MSRA: variants seen among roughly 807,000 people sequenced by gnomAD.
MSRA encodes mitochondrial peptide methionine sulfoxide reductase.
A neutral mutation model predicts 31.3 loss-of-function variants in MSRA; 54 were observed. The observed-to-expected ratio is 1.73, with a 90% confidence interval of 1.39 to 2.17. The LOEUF (loss-of-function observed/expected upper bound fraction) is 2.17. Among genes scored for constraint, MSRA ranks in the 30% most tolerant of loss-of-function variants. The pLI is 0.00. For missense variants in MSRA, 507 were observed against 300.9 expected, an observed-to-expected ratio of 1.69 and a Z score of -5.07; for synonymous variants, 169 against 116.5, an observed-to-expected ratio of 1.45 and a Z score of -2.90.
At chr8:10,412,953 G>A (rs551974922) in intron 5 of MSRA, among the ~76,000 whole-genome samples, 39 of 152,326 alleles carry the variant, frequency 2.6e-4, no homozygotes, top group African/African-American at 8.4e-4. Flanking sequence ...TCCACCTACT[G>A]TGAGCCAGCA....
intron 1 of MSRA, among the ~76,000 whole-genome samples, chr8:10,198,330 T>C (rs973849004): frequency 6.6e-6 from 1 of 152,078 alleles, no homozygotes; most frequent in Admixed American, 6.6e-5. Context: ...TTTTTTGTTG[T>C]TCTTACTTTT....
At chr8:10,106,281 C>A (rs1799875876) in intron 1 of MSRA, among the ~76,000 whole-genome samples, 1 of 152,156 alleles carries the variant, frequency 6.6e-6, no homozygotes, top group African/African-American at 2.4e-5. Flanking sequence ...TACTCGTTTG[C>A]CATTTACTGC....
rs113622360 is a variant in MSRA, at chr8:10,257,187, G to C, written c.331+11964G>C. ...ATCAGGGGTGGCCAGGAATGGGCAC[G>C]TACAGACAGAAGCATTCAAGTGACT... is the stretch of plus-strand genomic sequence containing the variant. On this transcript the variant is annotated intron_variant, in intron 3 of 5. Coordinates refer to ENST00000317173, the MANE Select transcript of MSRA (RefSeq NM_012331.5). Among the ~76,000 whole-genome samples, 1,222 of 152,148 alleles carry C rather than the reference G, an allele frequency of 8.0e-3. 10 individuals carry two copies. The highest frequency in any genetic ancestry group is 0.043 in the South Asian group (208 of 4,812).
At chr8:10,175,692 T>C (rs1805988177) in intron 1 of MSRA, among the ~76,000 whole-genome samples, 1 of 152,240 alleles carries the variant, frequency 6.6e-6, no homozygotes, top group African/African-American at 2.4e-5. Context: ...TTTAAGCTTT[T>C]CACTTTGAAG....
At position 10,202,399 on chromosome 8, in the gene MSRA, A is replaced by G. The variant is rs187824796; in HGVS notation, c.143-5434A>G. ...CCCTTATTCTTTTATCCCTAGAGCA[A>G]TATATAGTGTGGGGGATTTTCAGAG... On this transcript the variant is annotated intron_variant, in intron 1 of 5. Coordinates refer to ENST00000317173, the MANE Select transcript of MSRA (RefSeq NM_012331.5). 2.6e-3 allele frequency among the ~76,000 whole-genome samples: 400 copies of G among 152,328 alleles called. 1 individual carries two copies. The highest frequency in any genetic ancestry group is 9.1e-3 in the African/African-American group (378 of 41,572).
intron 2 of MSRA, among the ~76,000 whole-genome samples, chr8:10,208,160 C>G (rs1377429624): frequency 6.6e-6 from 1 of 151,916 alleles, no homozygotes; most frequent in Non-Finnish European, 1.5e-5. Flanking sequence ...TATGTCCACA[C>G]TGTGAATTAA....
intron 3 of MSRA, among the ~76,000 whole-genome samples, chr8:10,272,210 A>G (rs1427644452): frequency 2.0e-5 from 3 of 152,216 alleles, no homozygotes; most frequent in Non-Finnish European, 4.4e-5. Flanking sequence ...CAGAAGCAAT[A>G]GGATGATCTA....
intron 3 of MSRA, among the ~76,000 whole-genome samples, chr8:10,283,673 T>C (rs757859962): frequency 3.3e-5 from 5 of 151,466 alleles, no homozygotes; most frequent in Admixed American, 6.6e-5. Context: ...CTCCCACTTA[T>C]GAGTGAGAAC....
At chr8:10,215,496 C>G (rs956692506) in intron 2 of MSRA, among the ~76,000 whole-genome samples, 1 of 152,212 alleles carries the variant, frequency 6.6e-6, no homozygotes, top group South Asian at 2.1e-4. Context: ...GTGATCAAGT[C>G]CCCGGGAGAG....
intron 3 of MSRA, among the ~76,000 whole-genome samples, chr8:10,268,010 A>G (rs13258691): frequency 0.19 from 29,313 of 152,222 alleles, 3,724 homozygotes; most frequent in Non-Finnish European, 0.29. Flanking sequence ...CTGCGTCACA[A>G]TGATGGCTTT....
At chr8:10,280,693 C>A (rs181538138) in intron 3 of MSRA, among the ~76,000 whole-genome samples, 26 of 152,322 alleles carry the variant, frequency 1.7e-4, no homozygotes, top group African/African-American at 6.3e-4. Flanking sequence ...TCATGACAAC[C>A]TGTGTCCATA....
intron 2 of MSRA, among the ~76,000 whole-genome samples, chr8:10,237,320 G>A (rs1243711087): frequency 6.6e-6 from 1 of 152,212 alleles, no homozygotes; most frequent in East Asian, 1.9e-4. Flanking sequence ...ACTGTCCGGG[G>A]AAAATCACTT....
chr8:10,416,609 T>C (rs1808476220), intron 5 of MSRA, among the ~76,000 whole-genome samples: 1 of 152,220 alleles, frequency 6.6e-6, no homozygotes, highest in Non-Finnish European at 1.5e-5. Context: ...CACAGCTTAC[T>C]GGCCAAAGCA....
At chr8:10,072,564 A>C (rs1332173653) in intron 1 of MSRA, among the ~76,000 whole-genome samples, 1 of 152,104 alleles carries the variant, frequency 6.6e-6, no homozygotes, top group East Asian at 1.9e-4. Flanking sequence ...CTTCCCTTTC[A>C]AGATTGTTTT....
intron 5 of MSRA, among the ~76,000 whole-genome samples, chr8:10,418,818 AAAAAAAAAAAAAAAAAAAAACCAAC>A (rs1283169829): frequency 1.3e-5 from 1 of 78,332 alleles, no homozygotes; most frequent in Non-Finnish European, 2.4e-5. Context: ...CTACGACTAA[AAAAAAAAAAAAAAAAAAAAACCAAC>A]AAAAAAAAAA....
At chr8:10,275,739 T>A (rs1799287123) in intron 3 of MSRA, among the ~76,000 whole-genome samples, 1 of 152,222 alleles carries the variant, frequency 6.6e-6, no homozygotes, top group African/African-American at 2.4e-5. Context: ...CTGTCACTTA[T>A]AAGCTGTGTG....
At chr8:10,089,315 C>G (rs919956808) in intron 1 of MSRA, among the ~76,000 whole-genome samples, 1 of 152,190 alleles carries the variant, frequency 6.6e-6, no homozygotes, top group Non-Finnish European at 1.5e-5. Flanking sequence ...AACAAAAGAA[C>G]AAACCTAACA....
intron 1 of MSRA, among the ~76,000 whole-genome samples, chr8:10,206,075 C>T (rs1433694677): frequency 6.6e-6 from 1 of 152,044 alleles, no homozygotes; most frequent in East Asian, 1.9e-4. Flanking sequence ...TGTATTCTTA[C>T]GAGTGGGATT....
intron 4 of MSRA, among the ~76,000 whole-genome samples, chr8:10,309,881 G>C (rs1006545562): frequency 6.6e-6 from 1 of 152,174 alleles, no homozygotes; most frequent in African/African-American, 2.4e-5. Flanking sequence ...GGTCCACTCC[G>C]TGTTCAGGAG....
Sources: allele counts gnomAD v4.1 joint callset (sites outside exome capture counted in the v4.1 genomes callset), GRCh38; gene constraint gnomAD v4.1.1; transcripts MANE v1.5; gene names NCBI Gene and HGNC (gene_info 2026-07-23, HGNC 2026-07-21).